Variants in ASTE1 observed in about 807,000 individuals in gnomAD.
ASTE1 encodes asteroid structure-specific endonuclease 1.
Under a neutral mutation model 45.8 loss-of-function variants are expected in ASTE1, and 49 were observed. That is an observed-to-expected ratio of 1.07 (90% CI 0.85 to 1.36). The LOEUF is 1.36. Ranked by LOEUF, ASTE1 falls within the 40% of genes most tolerant of loss-of-function variation. The pLI, the probability that ASTE1 is intolerant of heterozygous loss-of-function variation, is 0.00. For synonymous variants in ASTE1, 296 were observed against 303.9 expected (o/e 0.97, Z 0.27); for missense variants, 709 against 804.0 (o/e 0.88, Z 1.43).
rs1361439301 is a variant in ASTE1, at chr3:131,014,431, A to C, written c.1710-44T>G. 15 of 1,516,230 alleles carry C rather than the reference A, an allele frequency of 9.9e-6. 1 individual carries two copies. The South Asian group carries it at 2.0e-4, about 20-fold the overall frequency. 93.9% of individuals were successfully genotyped at this position (1,516,230 alleles called of 1,614,324 possible). A position where few individuals can be genotyped will look rare whatever the true frequency, so the allele number is the denominator to read the frequency against. On this transcript the variant is annotated intron_variant, in intron 5 of 5. Coordinates refer to ENST00000264992, the MANE Select transcript of ASTE1 (RefSeq NM_014065.4). ...AAGTATGTTGTTAAAGAAGTAATTC[A>C]GTGCAACAGGATAACTACCATTGAC...
chr3:131,015,244 G>A lies in ASTE1; in HGVS notation c.1710-857C>T, dbSNP rs759608782. ...TCCATATATCCTCATTCAAAGTATT[G>A]AAGGCACTGGGGCTGCAACAGCAAA... On this transcript the variant is annotated intron_variant, in intron 5 of 5. Transcript: ENST00000264992. The A allele has an allele frequency of 4.3e-6, 3 of 701,852 alleles. No individual in the cohort carries two copies. The South Asian group carries it at 4.5e-5, about 10-fold the overall frequency. 43.5% of individuals were successfully genotyped at this position (701,852 alleles called of 1,614,324 possible). A position where few individuals can be genotyped will look rare whatever the true frequency, so the allele number is the denominator to read the frequency against.
At chr3:131,018,776 T>G (rs1416262374) in intron 3 of ASTE1, 60 bp from the exon 4 acceptor site, 2 of 1,543,944 alleles carry the variant, frequency 1.3e-6, no homozygotes, top group Non-Finnish European at 1.8e-6. Flanking sequence ...TATTTCTTTT[T>G]TCCACCATAG....
intron 3 of ASTE1, among the ~76,000 whole-genome samples, chr3:131,021,085 G>A (rs918307180): frequency 6.6e-6 from 1 of 152,076 alleles, no homozygotes. Flanking sequence ...CACAAAAGTG[G>A]TAACCATAAA....
At chr3:131,016,092 G>GT in intron 5 of ASTE1, 52 bp downstream of exon 5, 1 of 1,562,952 alleles carries the variant, frequency 6.4e-7, no homozygotes, top group Non-Finnish European at 8.7e-7. Context: ...TGAAAATACT[G>GT]TATTTACTTT....
At chr3:131,015,259 G>C in intron 5 of ASTE1, 1 of 700,116 alleles carries the variant, frequency 1.4e-6, no homozygotes, top group Non-Finnish European at 2.6e-6. Flanking sequence ...CACTGGGGCT[G>C]CAACAGCAAA....
chr3:131,017,699 C>T (rs551533169), intron 4 of ASTE1, among the ~76,000 whole-genome samples: 6 of 152,064 alleles, frequency 3.9e-5, no homozygotes, highest in South Asian at 2.1e-4. Flanking sequence ...TGGCCGGGCG[C>T]GGTGGCTCAT....
chr3:131,022,193 C>A (rs1273904330), intron 3 of ASTE1, among the ~76,000 whole-genome samples: 1 of 152,168 alleles, frequency 6.6e-6, no homozygotes, highest in African/African-American at 2.4e-5. Flanking sequence ...TTGCAGGGAC[C>A]TAGCTATGTT....
At chr3:131,020,959 C>T (rs1338392096) in intron 3 of ASTE1, among the ~76,000 whole-genome samples, 1 of 152,070 alleles carries the variant, frequency 6.6e-6, no homozygotes, top group Non-Finnish European at 1.5e-5. Context: ...TATCCTGATC[C>T]CTATTTCACA....
intron 5 of ASTE1, 174 bp downstream of exon 5, chr3:131,015,970 T>A: frequency 1.3e-6 from 1 of 799,234 alleles, no homozygotes; most frequent in Non-Finnish European, 2.1e-6. Flanking sequence ...TTAATATTTT[T>A]CCCGTTTCCA....
Position 131,024,445 on chromosome 3 carries a change from C to G in ASTE1, c.862G>C (p.Val288Leu). The change falls in exon 3 of 6, where the codon GTT becomes CTT. Residue 288 changes from valine (V) to leucine (L), a missense_variant. Coordinates refer to ENST00000264992, the MANE Select transcript of ASTE1 (RefSeq NM_014065.4). ...ATGGAACAGCAGAGAAGTTCCTTAA[C>G]ATTTTCTCGATCCTTTTTTGGGAGG... is the stretch of plus-strand genomic sequence containing the variant. ...KYLPKKDREN[V>L]KELLCCSMEE... The G allele has an allele frequency of 3.1e-6, 5 of 1,614,222 alleles. No homozygotes were observed. The highest frequency in any genetic ancestry group is 1.6e-4 in the Middle Eastern group (1 of 6,062).
chr3:131,016,511 C>T (rs2063640025), intron 4 of ASTE1, 172 bp from the exon 5 acceptor site: 1 of 721,938 alleles, frequency 1.4e-6, no homozygotes, highest in Non-Finnish European at 2.2e-6. Flanking sequence ...AATATTGATA[C>T]TGAACTGTCT....
intron 5 of ASTE1, chr3:131,015,919 G>T: frequency 1.5e-6 from 1 of 667,310 alleles, no homozygotes; most frequent in Non-Finnish European, 2.6e-6. Context: ...TTTAAAATTG[G>T]ATTGAATCAT....
chr3:131,016,588 C>T (rs562382085), intron 4 of ASTE1: 19 of 513,510 alleles, frequency 3.7e-5, no homozygotes, highest in Non-Finnish European at 6.2e-5. Flanking sequence ...AAGATCTTTT[C>T]CACTGGTCTA....
chr3:131,026,413 G>T (rs149953985), intron 1 of ASTE1, 94 bp downstream of exon 1: 112 of 152,524 alleles, frequency 7.3e-4, no homozygotes, highest in South Asian at 3.7e-3. Flanking sequence ...GCGGGCAAAA[G>T]GTCTGACCTA....
intron 5 of ASTE1, among the ~76,000 whole-genome samples, chr3:131,015,010 TA>T (rs2063531101): frequency 6.6e-6 from 1 of 152,226 alleles, no homozygotes; most frequent in Non-Finnish European, 1.5e-5. Context: ...TGTTTTGTTT[TA>T]AAAGGATTTG....
rs757470796 is a variant in ASTE1 at position 131,016,340 on chromosome 3, CTAAA to C, written c.1514-5_1514-2del. 2.5e-6 allele frequency: 4 copies of C among 1,614,146 alleles called. No individual in the cohort carries two copies. Among genetic ancestry groups the C allele is most frequent in the Middle Eastern group, 1.6e-4 (1 of 6,062 alleles). On this transcript the variant is annotated splice_acceptor_variant and splice_polypyrimidine_tract_variant and intron_variant, in intron 4 of 5. Coordinates refer to ENST00000264992, the MANE Select transcript of ASTE1 (RefSeq NM_014065.4). LOFTEE classifies it high-confidence loss of function. The stretch of plus-strand genomic sequence containing the variant: ...CCATCTTCCTGCAGCTCTTCCTTAC[CTAAA>C]TAAAGAAACAGCCCAAGGGCAGTAT...
rs1308492071 is a variant in ASTE1 at position 131,025,237 on chromosome 3, G to A, written c.70C>T (p.Arg24Trp). Residue 24 changes from arginine to tryptophan, a missense_variant, in exon 3 of 6, where the codon CGG becomes TGG. By Grantham distance (101) the Arg-to-Trp change is moderately radical. Transcript: ENST00000264992. ...CCATCAATGACAATTTTTGTGTCCCGCAACTTCAAATCAGTGAAGAACTCA... is the reference window on the plus strand; with the variant it reads ...CCATCAATGACAATTTTTGTGTCCCACAACTTCAAATCAGTGAAGAACTCA... ...SNEFFTDLKL[R>W]DTKIVIDGYA... The A allele has an allele frequency of 3.5e-5, 56 of 1,614,030 alleles. No individual in the cohort carries two copies. The highest frequency in any genetic ancestry group is 4.6e-5 in the Non-Finnish European group (54 of 1,180,040).
Position 131,018,602 on chromosome 3 carries a change from A to C in ASTE1, c.1417T>G (p.Leu473Val), listed in dbSNP as rs988079159. ...KLPIAVSCYWLQHTETKAKLH... is the reference protein window; with the variant it reads ...KLPIAVSCYWVQHTETKAKLH... ...TTTGCTTTGGTCTCGGTGTGCTGCA[A>C]CCAGTAGCAACTGACAGCAATGGGC... Residue 473 changes from leucine to valine, a missense_variant, in exon 4 of 6, where the codon TTG becomes GTG. Transcript: ENST00000264992. 3 of 1,613,942 alleles carry C rather than the reference A, an allele frequency of 1.9e-6. No individual in the cohort carries two copies. The highest frequency in any genetic ancestry group is 1.7e-5 in the Admixed American group (1 of 59,990).
At position 131,015,932 on chromosome 3, in the gene ASTE1, A is replaced by C. The variant is rs935423740; in HGVS notation, c.1709+212T>G. The C allele has an allele frequency of 8.4e-6, 6 of 713,544 alleles. No homozygotes were observed. In the East Asian group the frequency reaches 1.7e-4, roughly 21 times the overall value. The allele number at this position is 713,544 out of a possible 1,614,324, so 44.2% of individuals were successfully genotyped here. ...TTTTTAAAATTGGATTGAATCATGG[A>C]AACATTCTTTGAGAATATGGAAATA... On this transcript the variant is annotated intron_variant, in intron 5 of 5. Coordinates refer to ENST00000264992, the MANE Select transcript of ASTE1 (RefSeq NM_014065.4).
Sources: gnomAD v4.1 joint callset for allele counts (sites outside exome capture counted in the v4.1 genomes callset) on GRCh38, gnomAD v4.1.1 for gene constraint, MANE v1.5 for transcripts, NCBI Gene and HGNC (gene_info 2026-07-23, HGNC 2026-07-21) for gene names.